Variants in ZMYM2 observed in about 807,000 individuals in gnomAD.
ZMYM2 encodes zinc finger MYM-type protein 2.
In ZMYM2, 56 loss-of-function variants were observed where a neutral mutation model predicts 162.8. That is an observed-to-expected ratio of 0.34 (90% CI 0.28 to 0.43). ZMYM2 has a LOEUF of 0.43. ZMYM2 is among the 20% of genes least tolerant of loss of function. The probability of loss-of-function intolerance (pLI) is 1.00; values close to 1 mark genes in which losing one functional copy is unlikely to be tolerated. For synonymous variants in ZMYM2, 510 were observed against 541.6 expected (o/e 0.94, Z 0.81); for missense variants, 1,275 against 1,621.8 (o/e 0.79, Z 3.67).
At chr13:19,984,043 C>T (rs1444167220) in intron 2 of ZMYM2, among the ~76,000 whole-genome samples, 1 of 152,192 alleles carries the variant, frequency 6.6e-6, no homozygotes, top group Non-Finnish European at 1.5e-5. Context: ...TTCACCTTAG[C>T]TTTCTTTGTA....
At chr13:19,864,999 G>GAAAT in the ZMYM2 span, 2 of 152,358 alleles carry the variant, frequency 1.3e-5, no homozygotes, top group African/African-American at 4.8e-5. Flanking sequence ...GAAAGTTGGT[G>GAAAT]AAATACTTAC....
chr13:20,085,264 C>CA (rs1958184270), intron 24 of ZMYM2, among the ~76,000 whole-genome samples: 1 of 152,166 alleles, frequency 6.6e-6, no homozygotes, highest in African/African-American at 2.4e-5. Context: ...TAGGGATGCT[C>CA]AGCCTGTATT....
At chr13:19,957,537 GGCCTGTGGGGCCCGCCCTCCTCGGGC>G (rs1954619954), upstream of ZMYM2, among the ~76,000 whole-genome samples, 1 of 152,228 alleles carries the variant, frequency 6.6e-6, no homozygotes, top group South Asian at 2.1e-4. Flanking sequence ...TCGTGGAGGT[GGCCTGTGGGGCCCGCCCTCCTCGGGC>G]GCCTGTCGTC....
intron 17 of ZMYM2, 145 bp downstream of exon 17, chr13:20,061,369 TAA>T: frequency 2.9e-6 from 2 of 692,196 alleles, no homozygotes; most frequent in Non-Finnish European, 4.1e-6. Flanking sequence ...TTTTTTATAT[TAA>T]GAGATCTACA....
At chr13:20,063,874 T>TTACATACATATATAATATAC (rs1956450138) in intron 18 of ZMYM2, among the ~76,000 whole-genome samples, 1 of 145,028 alleles carries the variant, frequency 6.9e-6, no homozygotes, top group East Asian at 1.9e-4. Flanking sequence ...TATATAAATA[T>TTACATACATATATAATATAC]ATACAATATA....
the ZMYM2 span, among the ~76,000 whole-genome samples, chr13:19,942,429 G>A: frequency 2.6e-5 from 4 of 151,802 alleles, no homozygotes; most frequent in Non-Finnish European, 5.9e-5. Context: ...ACTTTTTAAA[G>A]GAATGATGGT....
the ZMYM2 span, among the ~76,000 whole-genome samples, chr13:19,879,169 T>C: frequency 6.6e-6 from 1 of 152,196 alleles, no homozygotes; most frequent in African/African-American, 2.4e-5. Flanking sequence ...TTTGTGTGTA[T>C]TATAAGGTAA....
In ZMYM2 at chr13:20,086,186, C is replaced by A; in HGVS notation, c.*172C>A. On this transcript the variant is annotated 3_prime_UTR_variant, in exon 25 of 25. Coordinates refer to ENST00000610343, the MANE Select transcript of ZMYM2 (RefSeq NM_197968.4). ...TCTGTGAGTGAAAGTTGCCATTATT[C>A]TATGTAGTGGTTTTAGGATACTTAA... is the stretch of plus-strand genomic sequence containing the variant. The A allele has an allele frequency of 1.9e-6, 1 of 535,598 alleles. No individual in the cohort carries two copies. Among genetic ancestry groups the A allele is most frequent in the Non-Finnish European group, 3.1e-6 (1 of 318,660 alleles). 33.2% of individuals were successfully genotyped at this position (535,598 alleles called of 1,614,324 possible).
intron 2 of ZMYM2, among the ~76,000 whole-genome samples, chr13:19,981,531 T>A (rs1293665153): frequency 6.6e-6 from 1 of 152,170 alleles, no homozygotes; most frequent in Admixed American, 6.5e-5. Context: ...ACCTGCAATA[T>A]ACCATTTCTC....
chr13:19,892,734 T>G, the ZMYM2 span, among the ~76,000 whole-genome samples: 8,458 of 151,176 alleles, frequency 0.056, 460 homozygotes, highest in African/African-American at 0.14. Context: ...TTTTTTTTTT[T>G]GTCAGAATTT....
chr13:19,954,192 A>T (rs1448499589), upstream of ZMYM2, among the ~76,000 whole-genome samples: 1 of 125,654 alleles, frequency 8.0e-6, no homozygotes, highest in Admixed American at 1.1e-4. Context: ...GCGGTGGCAC[A>T]ATCTCGGCTC....
chr13:20,009,371 A>T (rs944782041), intron 6 of ZMYM2, among the ~76,000 whole-genome samples: 1 of 152,230 alleles, frequency 6.6e-6, no homozygotes, highest in African/African-American at 2.4e-5. Flanking sequence ...GAGCATAAAA[A>T]GGACGGAAAG....
chr13:19,888,293 G>A, the ZMYM2 span, among the ~76,000 whole-genome samples: 2 of 151,872 alleles, frequency 1.3e-5, no homozygotes, highest in East Asian at 3.9e-4. Context: ...GGCTCACGCA[G>A]TTCTCCCATG....
chr13:19,905,570 C>G, the ZMYM2 span, among the ~76,000 whole-genome samples: 1 of 152,072 alleles, frequency 6.6e-6, no homozygotes, highest in South Asian at 2.1e-4. Context: ...GGAGAGACAG[C>G]CCTTGTGCCC....
At chr13:19,887,389 C>T in the ZMYM2 span, among the ~76,000 whole-genome samples, 5 of 151,406 alleles carry the variant, frequency 3.3e-5, no homozygotes, top group Admixed American at 6.6e-5. Context: ...ATTAGCTGGG[C>T]GTGGTGGCGG....
intron 14 of ZMYM2, among the ~76,000 whole-genome samples, chr13:20,057,483 A>AT (rs972785863): frequency 1.3e-5 from 2 of 151,882 alleles, no homozygotes; most frequent in Non-Finnish European, 2.9e-5. Context: ...ATTTTTTAGG[A>AT]TTTTATATGC....
the ZMYM2 span, among the ~76,000 whole-genome samples, chr13:19,893,606 G>C: frequency 6.6e-6 from 1 of 151,746 alleles, no homozygotes; most frequent in African/African-American, 2.4e-5. Flanking sequence ...CAGGCGTGGT[G>C]GCGGGTGCCT....
intron 2 of ZMYM2, among the ~76,000 whole-genome samples, chr13:19,980,861 G>A (rs1957258387): frequency 6.6e-6 from 1 of 151,190 alleles, no homozygotes; most frequent in Admixed American, 6.6e-5. Context: ...TTTTTATTGA[G>A]ATCAAAGTAA....
chr13:20,017,036 C>G (rs1345998555), intron 6 of ZMYM2, among the ~76,000 whole-genome samples: 3 of 152,174 alleles, frequency 2.0e-5, no homozygotes, highest in African/African-American at 7.2e-5. Flanking sequence ...CTTTACTGCT[C>G]CTCAGGTTCT....
Sources: allele counts gnomAD v4.1 joint callset (sites outside exome capture counted in the v4.1 genomes callset), GRCh38; gene constraint gnomAD v4.1.1; transcripts MANE v1.5; gene names NCBI Gene and HGNC (gene_info 2026-07-23, HGNC 2026-07-21).